RFFL: variants seen among roughly 807,000 people sequenced by gnomAD.
The protein encoded by RFFL is E3 ubiquitin-protein ligase rififylin.
Under a neutral mutation model 40.4 loss-of-function variants are expected in RFFL, and 16 were observed. The observed-to-expected ratio is 0.40, with a 90% CI of 0.27 to 0.60. RFFL has a LOEUF of 0.60. Among genes scored for constraint, RFFL ranks in the 20% least tolerant of loss-of-function variants. The pLI, the probability that RFFL is intolerant of heterozygous loss-of-function variation, is 0.47. For synonymous variants in RFFL, 154 were observed against 167.9 expected (o/e 0.92, Z 0.64); for missense variants, 367 against 451.7 (o/e 0.81, Z 1.70).
upstream of RFFL, among the ~76,000 whole-genome samples, chr17:35,065,558 C>CAA (rs947708350): frequency 3.3e-4 from 17 of 51,092 alleles, no homozygotes; most frequent in African/African-American, 9.0e-4. Flanking sequence ...AACTTCGTCT[C>CAA]AAAAAAAAAA....
chr17:35,055,973 T>TTC (rs2091258934), intron 1 of RFFL, among the ~76,000 whole-genome samples: 1 of 152,044 alleles, frequency 6.6e-6, no homozygotes, highest in Non-Finnish European at 1.5e-5. Context: ...TACTTCACCT[T>TTC]TCTCTCTCTG....
At chr17:35,038,687 A>G (rs888039675) in intron 1 of RFFL, among the ~76,000 whole-genome samples, 1 of 152,250 alleles carries the variant, frequency 6.6e-6, no homozygotes, top group Non-Finnish European at 1.5e-5. Context: ...CGTTTTACAT[A>G]AAATTCAAAA....
chr17:35,033,956 C>G (rs1487425868), intron 1 of RFFL, among the ~76,000 whole-genome samples: 4 of 151,800 alleles, frequency 2.6e-5, no homozygotes, highest in Admixed American at 2.6e-4. Flanking sequence ...TCCTGGCTAA[C>G]ACAGTGAAAC....
At chr17:35,018,380 T>C (rs1030438492) in intron 3 of RFFL, among the ~76,000 whole-genome samples, 1 of 152,250 alleles carries the variant, frequency 6.6e-6, no homozygotes, top group African/African-American at 2.4e-5. Flanking sequence ...AGGTTCCTCC[T>C]GAGTACTCTT....
At chr17:35,039,404 G>A (rs1031462178) in intron 1 of RFFL, among the ~76,000 whole-genome samples, 2 of 151,650 alleles carry the variant, frequency 1.3e-5, no homozygotes, top group African/African-American at 2.4e-5. Flanking sequence ...ATTTTTAGTA[G>A]AGACGGCGTT....
chr17:35,030,826 C>T (rs931211414), intron 1 of RFFL, among the ~76,000 whole-genome samples: 4 of 151,752 alleles, frequency 2.6e-5, no homozygotes, highest in Admixed American at 6.6e-5. Flanking sequence ...ATAAGAAGGC[C>T]TCAGTCCTAA....
intron 1 of RFFL, among the ~76,000 whole-genome samples, chr17:35,048,334 G>A (rs1261334517): frequency 1.3e-5 from 2 of 151,808 alleles, no homozygotes; most frequent in African/African-American, 2.4e-5. Context: ...CCAAGGAGGC[G>A]GAGCTTGCAG....
chr17:35,056,097 C>T (rs1443708889), intron 1 of RFFL, among the ~76,000 whole-genome samples: 1 of 152,052 alleles, frequency 6.6e-6, no homozygotes, highest in Non-Finnish European at 1.5e-5. Flanking sequence ...TTCTGCAGCC[C>T]AACAAATAAA....
In RFFL at chr17:35,006,476, GGTTGTCCT is replaced by G. The variant is rs1158477824; in HGVS notation, c.*5484_*5491del. ...TAGAATGGGTGCACCTAAATCATAG[GGTTGTCCT>G]GTTGTCCTGAGCAACATTATGTAAA... is the stretch of plus-strand genomic sequence containing the variant. On this transcript the variant is annotated 3_prime_UTR_variant, in exon 7 of 7. Coordinates refer to ENST00000394597, the MANE Select transcript of RFFL (RefSeq NM_001017368.2). 1.3e-5 allele frequency: 2 copies of G among 152,246 alleles called. No individual in the cohort carries two copies. The highest frequency in any genetic ancestry group is 2.4e-5 in the African/African-American group (1 of 41,432). 9.4% of individuals were successfully genotyped at this position (152,246 alleles called of 1,614,324 possible). A position where few individuals can be genotyped will look rare whatever the true frequency, so the allele number is the denominator to read the frequency against.
chr17:35,053,760 C>A (rs2091244369), intron 1 of RFFL, among the ~76,000 whole-genome samples: 1 of 152,198 alleles, frequency 6.6e-6, no homozygotes, highest in African/African-American at 2.4e-5. Flanking sequence ...ACAAACCATT[C>A]TATCTTATAA....
chr17:35,052,355 G>A (rs908310083), intron 1 of RFFL, among the ~76,000 whole-genome samples: 4 of 152,148 alleles, frequency 2.6e-5, no homozygotes, highest in Admixed American at 6.6e-5. Flanking sequence ...AGATGTTAAT[G>A]TAATCACCAG....
chr17:35,069,438 T>C, intron 1 of RFFL: 1 of 429,206 alleles, frequency 2.3e-6, no homozygotes, highest in South Asian at 1.7e-5. Flanking sequence ...AATAAAAGGA[T>C]ACGACTGCAC....
intron 1 of RFFL, among the ~76,000 whole-genome samples, chr17:35,043,832 T>C (rs1355016911): frequency 6.6e-6 from 1 of 152,170 alleles, no homozygotes; most frequent in Non-Finnish European, 1.5e-5. Flanking sequence ...TAGGATTCAA[T>C]AAAAAGTACC....
At chr17:35,050,081 C>CA (rs35308985) in intron 1 of RFFL, among the ~76,000 whole-genome samples, 13,413 of 116,344 alleles carry the variant, frequency 0.12, 1,936 homozygotes, top group African/African-American at 0.34. Flanking sequence ...GACTCCATCT[C>CA]AAAAAAAAAA....
At chr17:35,033,346 T>C (rs993649130) in intron 1 of RFFL, among the ~76,000 whole-genome samples, 8 of 151,556 alleles carry the variant, frequency 5.3e-5, no homozygotes, top group African/African-American at 1.9e-4. Context: ...CTGGCCAGCA[T>C]GGTGAAACCC....
Position 35,029,739 on chromosome 17 carries a change from G to A in RFFL, c.-8-3178C>T, listed in dbSNP as rs151078767. ...AAGTTTTAGGGTACATGTGCACAGC[G>A]TGCAGGTTAGTTACATATGTATATA... is the stretch of plus-strand genomic sequence containing the variant. On this transcript the variant is annotated intron_variant, in intron 1 of 6. Transcript: ENST00000394597. Among the ~76,000 whole-genome samples the A allele has an allele frequency of 4.3e-3, 650 of 151,202 alleles. 16 individuals carry two copies. The highest frequency in any genetic ancestry group is 0.015 in the African/African-American group (614 of 40,928).
chr17:35,044,706 C>T (rs2142349708), intron 1 of RFFL, among the ~76,000 whole-genome samples: 1 of 152,242 alleles, frequency 6.6e-6, no homozygotes, highest in Non-Finnish European at 1.5e-5. Flanking sequence ...TTACTCTATC[C>T]TATTCTTTCA....
intron 1 of RFFL, among the ~76,000 whole-genome samples, chr17:35,028,567 A>G (rs181077890): frequency 6.6e-6 from 1 of 152,198 alleles, no homozygotes; most frequent in East Asian, 1.9e-4. Context: ...GCCCATGTAG[A>G]TACTTTGAGC....
chr17:35,026,098 G>A (rs2091038872), intron 2 of RFFL, among the ~76,000 whole-genome samples: 2 of 152,300 alleles, frequency 1.3e-5, no homozygotes, highest in East Asian at 1.9e-4. Context: ...TTTTATAACA[G>A]GGAAACTGAA....
Sources: gnomAD v4.1 joint callset for allele counts (sites outside exome capture counted in the v4.1 genomes callset) on GRCh38, gnomAD v4.1.1 for gene constraint, MANE v1.5 for transcripts, NCBI Gene and HGNC (gene_info 2026-07-23, HGNC 2026-07-21) for gene names.